CTNNBL1: variants seen among roughly 807,000 people sequenced by gnomAD.
CTNNBL1 encodes the protein beta-catenin-like protein 1.
Under a neutral mutation model 72.7 loss-of-function variants are expected in CTNNBL1, and 31 were observed. The observed-to-expected ratio is 0.43, with a 90% CI of 0.32 to 0.58. CTNNBL1 has a LOEUF of 0.58. CTNNBL1 is among the 20% of genes least tolerant of loss of function. The pLI is 0.08. For missense variants in CTNNBL1, 534 were observed against 725.1 expected (o/e 0.74, Z 3.03); for synonymous variants, 240 against 267.3 (o/e 0.90, Z 1.00).
intron 10 of CTNNBL1, among the ~76,000 whole-genome samples, chr20:37,783,501 C>G (rs1222712008): frequency 6.6e-6 from 1 of 152,038 alleles, no homozygotes; most frequent in Non-Finnish European, 1.5e-5. Flanking sequence ...GTGCTTATTG[C>G]TATGAACTTT....
chr20:37,713,504 G>A (rs1344768129), intron 1 of CTNNBL1, among the ~76,000 whole-genome samples: 1 of 152,206 alleles, frequency 6.6e-6, no homozygotes, highest in Non-Finnish European at 1.5e-5. Flanking sequence ...GTGTGAGGCA[G>A]AGGCACCTCT....
intron 15 of CTNNBL1, among the ~76,000 whole-genome samples, chr20:37,868,216 C>G (rs562065347): frequency 2.6e-5 from 4 of 152,214 alleles, no homozygotes; most frequent in African/African-American, 9.6e-5. Context: ...GACTAGGGGC[C>G]AGGCAGGGTA....
In CTNNBL1 at chr20:37,777,678, TG is replaced by T; in HGVS notation, c.850del (p.Asp284MetfsTer26). The T allele has an allele frequency of 6.2e-7, 1 of 1,613,874 alleles. No individual in the cohort carries two copies. Among genetic ancestry groups the T allele is most frequent in the Non-Finnish European group, 8.5e-7 (1 of 1,179,768 alleles). ...NDENRELLGE[L>X]DGIDVLLQQL... ...GAAAACAGGGAATTGCTTGGGGAGC[TG>T]GATGGAATCGATGTGCTTCTTCAGC... On this transcript the variant is annotated frameshift_variant, in exon 9 of 16. Transcript: ENST00000361383. LOFTEE classifies it high-confidence loss of function.
chr20:37,760,756 G>A (rs2073409707), intron 5 of CTNNBL1, among the ~76,000 whole-genome samples: 1 of 152,190 alleles, frequency 6.6e-6, no homozygotes, highest in African/African-American at 2.4e-5. Context: ...ATAAATGTTG[G>A]CCATTATCAT....
intron 1 of CTNNBL1, among the ~76,000 whole-genome samples, chr20:37,718,311 C>T (rs1248528858): frequency 1.7e-5 from 2 of 120,248 alleles, no homozygotes; most frequent in Non-Finnish European, 3.4e-5. Flanking sequence ...CCCTCCCGGA[C>T]GGGGCGGCTG....
rs2073513509 is a variant in CTNNBL1 at position 37,770,620 on chromosome 20, C to T, written c.750+2576C>T. 3.3e-5 allele frequency among the ~76,000 whole-genome samples: 5 copies of T among 151,634 alleles called. No individual in the cohort carries two copies. The South Asian group carries it at 6.2e-4, about 19-fold the overall frequency. The stretch of plus-strand genomic sequence containing the variant: ...ACTTTTGAGTGTTTGGCTTGGATGC[C>T]GTTACCCTTATGATCATAATGAAGG... On this transcript the variant is annotated intron_variant, in intron 7 of 15. Transcript: ENST00000361383.
intron 1 of CTNNBL1, among the ~76,000 whole-genome samples, chr20:37,724,288 C>A (rs1568752103): frequency 6.6e-6 from 1 of 152,080 alleles, no homozygotes; most frequent in African/African-American, 2.4e-5. Flanking sequence ...CCCTGTCTGA[C>A]CTTCTTATTG....
In CTNNBL1 at chr20:37,708,994, G is replaced by A. The variant is rs568116595; in HGVS notation, c.30+14842G>A. ...TCTACTGAAAATACAAAAATTAGTT[G>A]GGCATGGTAGCATGCACCTGTAGTG... On this transcript the variant is annotated intron_variant, in intron 1 of 15. Coordinates refer to ENST00000361383, the MANE Select transcript of CTNNBL1 (RefSeq NM_030877.5). Among the ~76,000 whole-genome samples, 3 of 152,198 alleles carry A rather than the reference G, an allele frequency of 2.0e-5. No individual in the cohort carries two copies. In the East Asian group the frequency reaches 5.8e-4, roughly 29 times the overall value.
At chr20:37,732,824 C>A in intron 1 of CTNNBL1, 55 bp from the exon 2 acceptor site, 1 of 1,531,292 alleles carries the variant, frequency 6.5e-7, no homozygotes, top group Non-Finnish European at 8.9e-7. Context: ...TGAGCCACCA[C>A]GCCTGGCTTC....
chr20:37,818,116 A>G (rs2072075666), intron 11 of CTNNBL1, among the ~76,000 whole-genome samples: 1 of 152,228 alleles, frequency 6.6e-6, no homozygotes, highest in African/African-American at 2.4e-5. Context: ...AAGGTGGCTC[A>G]AAGGAAACCT....
chr20:37,719,115 G>C (rs1347014813), intron 1 of CTNNBL1, among the ~76,000 whole-genome samples: 1 of 152,130 alleles, frequency 6.6e-6, no homozygotes, highest in African/African-American at 2.4e-5. Flanking sequence ...ATTATATATA[G>C]ATATGGCCCA....
chr20:37,714,501 T>C (rs1436571977), intron 1 of CTNNBL1, among the ~76,000 whole-genome samples: 2 of 152,246 alleles, frequency 1.3e-5, no homozygotes, highest in African/African-American at 4.8e-5. Context: ...GAATCTTGCT[T>C]TAAGTAATAG....
intron 15 of CTNNBL1, among the ~76,000 whole-genome samples, chr20:37,870,117 A>C (rs1001568688): frequency 6.6e-6 from 1 of 151,928 alleles, no homozygotes; most frequent in African/African-American, 2.4e-5. Context: ...CAGGGGAGAC[A>C]AGAACACAAG....
chr20:37,858,287 C>T (rs928373739), intron 13 of CTNNBL1, among the ~76,000 whole-genome samples: 20 of 152,192 alleles, frequency 1.3e-4, no homozygotes, highest in African/African-American at 4.3e-4. Context: ...CCTACCTTCA[C>T]AGAGCTCACA....
At chr20:37,739,078 C>CTGTG (rs34184566) in intron 3 of CTNNBL1, among the ~76,000 whole-genome samples, 495 of 147,450 alleles carry the variant, frequency 3.4e-3, no homozygotes, top group South Asian at 0.011. Context: ...TACAGGAGCA[C>CTGTG]TGTGTGTGTG....
rs555519001 is a variant in CTNNBL1 at position 37,806,935 on chromosome 20, G to A, written c.1213+3887G>A. Among the ~76,000 whole-genome samples the A allele has an allele frequency of 9.2e-5, 14 of 152,266 alleles. No homozygotes were observed. In the East Asian group the frequency reaches 2.7e-3, roughly 29 times the overall value. ...CTGAGCCCTGAACCCTCCACCTGTA[G>A]GTGACATTTATTTCCTTAACCTTAG... is the stretch of plus-strand genomic sequence containing the variant. On this transcript the variant is annotated intron_variant, in intron 11 of 15. Transcript: ENST00000361383.
intron 14 of CTNNBL1, 26 bp downstream of exon 14, chr20:37,860,062 C>T (rs371574257): frequency 1.2e-6 from 2 of 1,611,104 alleles, no homozygotes; most frequent in African/African-American, 2.7e-5. Flanking sequence ...CCTGGATGGG[C>T]TTATCCATCC....
intron 11 of CTNNBL1, among the ~76,000 whole-genome samples, chr20:37,807,388 C>A (rs2071969086): frequency 6.6e-6 from 1 of 152,188 alleles, no homozygotes; most frequent in Admixed American, 6.5e-5. Context: ...AATGCCCACA[C>A]CTCTACTGTG....
chr20:37,736,214 G>A (rs568379575), intron 2 of CTNNBL1, among the ~76,000 whole-genome samples: 7 of 152,202 alleles, frequency 4.6e-5, no homozygotes, highest in Non-Finnish European at 1.0e-4. Flanking sequence ...GTAAGTACCA[G>A]GCAAAGTAAT....
Sources: gnomAD v4.1 joint callset for allele counts (sites outside exome capture counted in the v4.1 genomes callset) on GRCh38, gnomAD v4.1.1 for gene constraint, MANE v1.5 for transcripts, NCBI Gene and HGNC (gene_info 2026-07-23, HGNC 2026-07-21) for gene names.